Variants in PCLO observed in about 807,000 individuals in gnomAD.
PCLO encodes the protein protein piccolo.
Under a neutral mutation model 427.5 loss-of-function variants are expected in PCLO, and 82 were observed. That is an observed-to-expected ratio of 0.19 (90% CI 0.16 to 0.23). The LOEUF is 0.23. Ranked by LOEUF, PCLO falls within the 10% of genes least tolerant of loss-of-function variation. PCLO has a pLI of 1.00. For synonymous variants in PCLO, 2,357 were observed against 2,155.4 expected (o/e 1.09, Z -2.59); for missense variants, 6,239 against 6,115.9 (o/e 1.02, Z -0.67).
intron 10 of PCLO, among the ~76,000 whole-genome samples, chr7:82,858,469 A>C (rs528517331): frequency 6.6e-6 from 1 of 152,288 alleles, no homozygotes; most frequent in Admixed American, 6.5e-5. Flanking sequence ...TGGGAAAGAA[A>C]AAGAAAGAAA....
intron 5 of PCLO, 60 bp downstream of exon 5, chr7:82,951,796 T>C: frequency 2.0e-6 from 3 of 1,525,732 alleles, no homozygotes; most frequent in Non-Finnish European, 2.6e-6. Context: ...CATCCTGAAA[T>C]GAGATGAGGA....
In PCLO at chr7:82,952,020, C is replaced by T. The variant is rs778228072; in HGVS notation, c.8933G>A (p.Arg2978Gln). Residue 2978 changes from arginine to glutamine, a missense_variant, in exon 5 of 25, where the codon CGA becomes CAA. Around this residue, in one of 5 missense-constraint regions of PCLO, gnomAD observed 4,677 missense variants for 4,468.4 expected, o/e 1.05. Transcript: ENST00000333891. The stretch of plus-strand genomic sequence containing the variant: ...CCCTCTATAACCATATGGCCCTGAT[C>T]GATCATACTGATAGTGGTCATCCCT... ...GYRDDHYQYD[R>Q]SGPYGYRGIG... The T allele has an allele frequency of 1.8e-5, 29 of 1,613,772 alleles. No homozygotes were observed. Among genetic ancestry groups the T allele is most frequent in the East Asian group, 1.6e-4 (7 of 44,878 alleles).
chr7:82,979,239 C>T (rs985156809), intron 3 of PCLO, among the ~76,000 whole-genome samples: 1 of 143,790 alleles, frequency 7.0e-6, no homozygotes, highest in Non-Finnish European at 1.5e-5. Context: ...AATAAATAAT[C>T]TAGAAGTACT....
At chr7:83,117,021 T>A (rs1791151895) in intron 3 of PCLO, among the ~76,000 whole-genome samples, 1 of 152,166 alleles carries the variant, frequency 6.6e-6, no homozygotes, top group East Asian at 1.9e-4. Context: ...AAGAAAAGAT[T>A]TTGAAATGCT....
intron 6 of PCLO, among the ~76,000 whole-genome samples, chr7:82,940,755 C>CTTTTTTTTTTTTTT (rs71531190): frequency 4.6e-5 from 5 of 109,136 alleles, no homozygotes; most frequent in Admixed American, 1.1e-4. Context: ...TTTTTTCTTT[C>CTTTTTTTTTTTTTT]TTTTTTTTTT....
At chr7:82,785,628 C>G (rs193181728) in intron 22 of PCLO, among the ~76,000 whole-genome samples, 1 of 152,176 alleles carries the variant, frequency 6.6e-6, no homozygotes, top group Non-Finnish European at 1.5e-5. Flanking sequence ...GAGGCACTGA[C>G]AGGAGCAAGA....
chr7:83,127,220 G>A (rs6962422), intron 3 of PCLO, among the ~76,000 whole-genome samples: 74,486 of 151,662 alleles, frequency 0.49, 19,216 homozygotes, highest in East Asian at 0.69. Flanking sequence ...GAGGTAAGTC[G>A]GTGAGTGTTC....
intron 3 of PCLO, among the ~76,000 whole-genome samples, chr7:82,995,547 C>A (rs535677712): frequency 6.6e-6 from 1 of 151,816 alleles, no homozygotes. Flanking sequence ...AGAAATCTAG[C>A]GTGAAGGGGT....
intron 6 of PCLO, among the ~76,000 whole-genome samples, chr7:82,926,356 C>A (rs942863897): frequency 3.9e-5 from 6 of 152,112 alleles, no homozygotes; most frequent in Admixed American, 3.3e-4. Context: ...AAACAATATA[C>A]CATTTGTGAA....
chr7:82,975,798 T>A (rs1562894284), intron 3 of PCLO, among the ~76,000 whole-genome samples: 2 of 148,762 alleles, frequency 1.3e-5, no homozygotes, highest in Non-Finnish European at 2.9e-5. Flanking sequence ...GCTGTTCTCA[T>A]GATAGTGAGG....
chr7:82,968,993 C>A (rs910319129), intron 3 of PCLO, among the ~76,000 whole-genome samples: 5 of 152,006 alleles, frequency 3.3e-5, no homozygotes, highest in East Asian at 3.9e-4. Context: ...AGGTTTCATG[C>A]CATTGGAAAT....
chr7:82,966,632 C>A, intron 3 of PCLO, 145 bp from the exon 4 acceptor site: 2 of 468,422 alleles, frequency 4.3e-6, no homozygotes, highest in Non-Finnish European at 3.7e-6. Context: ...AATCCAATGA[C>A]GCAGTAATTT....
chr7:82,900,552 T>A (rs1267086111), intron 9 of PCLO, among the ~76,000 whole-genome samples: 2 of 3,358 alleles, frequency 6.0e-4, no homozygotes, highest in Non-Finnish European at 8.4e-4. Context: ...AAATATGGAC[T>A]ATTGATTGTA....
chr7:82,971,570 T>TTATATAA (rs201039897), intron 3 of PCLO, among the ~76,000 whole-genome samples: 219 of 147,490 alleles, frequency 1.5e-3, no homozygotes, highest in African/African-American at 5.1e-3. Flanking sequence ...ATATATCATG[T>TTATATAA]TATATAATAT....
chr7:83,161,730 A>T (rs897509933), intron 1 of PCLO, among the ~76,000 whole-genome samples: 6 of 152,252 alleles, frequency 3.9e-5, no homozygotes, highest in African/African-American at 9.6e-5. Flanking sequence ...ATATATGTAC[A>T]GCACCTGCTC....
intron 3 of PCLO, among the ~76,000 whole-genome samples, chr7:83,076,143 T>A (rs1325435646): frequency 6.6e-6 from 1 of 151,304 alleles, no homozygotes; most frequent in East Asian, 1.9e-4. Flanking sequence ...AAAAAACTCA[T>A]ACCTTTCGCA....
At chr7:82,855,223 C>T (rs1311919184) in intron 10 of PCLO, among the ~76,000 whole-genome samples, 2 of 152,006 alleles carry the variant, frequency 1.3e-5, no homozygotes, top group East Asian at 1.9e-4. Flanking sequence ...ATTTTTTAGG[C>T]TAATGTTATA....
chr7:82,773,495 T>A (rs1164148844), intron 22 of PCLO, among the ~76,000 whole-genome samples: 2 of 152,212 alleles, frequency 1.3e-5, no homozygotes, highest in Non-Finnish European at 2.9e-5. Context: ...CTTATCACTC[T>A]TAAAATGCAA....
intron 3 of PCLO, among the ~76,000 whole-genome samples, chr7:82,983,945 T>C (rs1156442971): frequency 6.6e-6 from 1 of 151,976 alleles, no homozygotes; most frequent in African/African-American, 2.4e-5. Context: ...GAAAATAAAT[T>C]AGAAAAACTG....
Sources: gnomAD v4.1 joint callset for allele counts (sites outside exome capture counted in the v4.1 genomes callset) on GRCh38, gnomAD v4.1.1 for gene constraint, gnomAD v4.1.1 regional missense constraint, MANE v1.5 for transcripts, NCBI Gene and HGNC (gene_info 2026-07-23, HGNC 2026-07-21) for gene names.